Variants in UBR2 observed in about 807,000 individuals in gnomAD.
The protein encoded by UBR2 is E3 ubiquitin-protein ligase UBR2.
Under a neutral mutation model 247.9 loss-of-function variants are expected in UBR2, and 92 were observed. That is an observed-to-expected ratio of 0.37 (90% CI 0.31 to 0.44). UBR2 has a LOEUF of 0.44. Among genes scored for constraint, UBR2 ranks in the 20% least tolerant of loss-of-function variants. The pLI, the probability that UBR2 is intolerant of heterozygous loss-of-function variation, is 1.00. For missense variants in UBR2, 1,613 were observed against 2,112.6 expected, an observed-to-expected ratio of 0.76 and a Z score of 4.64; for synonymous variants, 672 against 693.5, an observed-to-expected ratio of 0.97 and a Z score of 0.49.
chr6:42,599,612 G>T lies in UBR2; in HGVS notation c.532-3976G>T, dbSNP rs532641377. On this transcript the variant is annotated intron_variant, in intron 4 of 46. Coordinates refer to ENST00000372901, the MANE Select transcript of UBR2 (RefSeq NM_001363705.2). ...GCATGGTTTGGGGTTTTGTTTGGGG[G>T]TTTTTTTTGTTGTTGTTGTTGTTAT... Among the ~76,000 whole-genome samples, 237 of 86,452 alleles carry T rather than the reference G, an allele frequency of 2.7e-3. 4 individuals are homozygous for T. The highest frequency in any genetic ancestry group is 5.6e-3 in the African/African-American group (102 of 18,360). 56.7% of individuals were successfully genotyped at this position (86,452 alleles called of 152,430 possible). A position where few individuals can be genotyped will look rare whatever the true frequency, so the allele number is the denominator to read the frequency against.
At chr6:42,614,964 T>G in intron 8 of UBR2, 107 bp from the exon 9 acceptor site, 1 of 882,306 alleles carries the variant, frequency 1.1e-6, no homozygotes, top group Non-Finnish European at 1.6e-6. Context: ...AATTTGAACT[T>G]TAAGAAAACA....
At chr6:42,606,953 A>G (rs1410711499) in intron 7 of UBR2, among the ~76,000 whole-genome samples, 1 of 152,072 alleles carries the variant, frequency 6.6e-6, no homozygotes, top group African/African-American at 2.4e-5. Flanking sequence ...CTTCTTAGAA[A>G]TTTAAATGGC....
chr6:42,682,211 A>G (rs548665544), intron 42 of UBR2, among the ~76,000 whole-genome samples: 1 of 152,168 alleles, frequency 6.6e-6, no homozygotes, highest in Non-Finnish European at 1.5e-5. Context: ...AGAGTAGTCA[A>G]ATTTATAGAA....
At chr6:42,581,897 G>C (rs1227926074) in intron 2 of UBR2, among the ~76,000 whole-genome samples, 1 of 151,968 alleles carries the variant, frequency 6.6e-6, no homozygotes, top group Admixed American at 6.6e-5. Context: ...TAAAATATTA[G>C]GCATTGTTAT....
At chr6:42,628,654 T>G (rs554999368) in intron 11 of UBR2, among the ~76,000 whole-genome samples, 2 of 143,574 alleles carry the variant, frequency 1.4e-5, no homozygotes, top group East Asian at 4.2e-4. Flanking sequence ...ACCTGTGAGG[T>G]GGAGGTTGCA....
At chr6:42,621,382 T>C (rs1794987578) in intron 11 of UBR2, among the ~76,000 whole-genome samples, 1 of 152,288 alleles carries the variant, frequency 6.6e-6, no homozygotes, top group African/African-American at 2.4e-5. Flanking sequence ...CTGCCTTAAT[T>C]ATAGTAGTTT....
rs377260395 is a variant in UBR2, at chr6:42,637,207, C to T, written c.1858+13C>T. On this transcript the variant is annotated intron_variant, in intron 15 of 46. Transcript: ENST00000372901. The stretch of plus-strand genomic sequence containing the variant: ...CGCTTACTTGCAGGTAAAGCATTTC[C>T]CCTAAAATAAAACCCTAAAATTATC... 1 of 1,600,874 alleles carries T rather than the reference C, an allele frequency of 6.2e-7. No homozygotes were observed. The highest frequency in any genetic ancestry group is 1.1e-5 in the South Asian group (1 of 89,388).
rs1223614332 is a variant in UBR2 at position 42,659,876 on chromosome 6, C to T, written c.3442+21C>T. 4 of 1,606,886 alleles carry T rather than the reference C, an allele frequency of 2.5e-6. No individual in the cohort carries two copies. Among genetic ancestry groups the T allele is most frequent in the South Asian group, 1.1e-5 (1 of 90,814 alleles). ...TCCAGGTAAGTCATAGCTAGATCCT[C>T]ATCTTCCCTTTTAATAACAACTGCC... On this transcript the variant is annotated intron_variant, in intron 30 of 46. Coordinates refer to ENST00000372901, the MANE Select transcript of UBR2 (RefSeq NM_001363705.2). This position sits in a 1 kb window ranked among gnomAD's most constrained non-coding sequence, Gnocchi z 4.3.
rs528794023 is a variant in UBR2 at position 42,631,433 on chromosome 6, T to C, written c.1282-1119T>C. ...ACATTGTAGGTAGAAAGAGAAATTG[T>C]TGAGCCTCTTTGTGGAAACAATTTG... On this transcript the variant is annotated intron_variant, in intron 11 of 46. Coordinates refer to ENST00000372901, the MANE Select transcript of UBR2 (RefSeq NM_001363705.2). Among the ~76,000 whole-genome samples, 4 of 152,332 alleles carry C rather than the reference T, an allele frequency of 2.6e-5. No homozygotes were observed. The South Asian group carries it at 8.3e-4, about 32-fold the overall frequency.
intron 2 of UBR2, among the ~76,000 whole-genome samples, chr6:42,576,565 C>T (rs1181111192): frequency 3.0e-4 from 44 of 146,304 alleles, no homozygotes; most frequent in African/African-American, 8.4e-4. Context: ...AGTCTCACCC[C>T]GTAGCCCAGG....
At chr6:42,620,408 A>T (rs1326234290) in intron 11 of UBR2, 3 of 151,634 alleles carry the variant, frequency 2.0e-5, no homozygotes, top group Admixed American at 2.0e-4. Context: ...GATTCTGCAT[A>T]CATATTCTTT....
chr6:42,678,004 G>A (rs1409632432), intron 40 of UBR2, among the ~76,000 whole-genome samples: 1 of 152,068 alleles, frequency 6.6e-6, no homozygotes, highest in East Asian at 1.9e-4. Context: ...AGTCCAGCCT[G>A]GACAACTTTT....
At chr6:42,611,896 G>A (rs1379136770) in intron 7 of UBR2, among the ~76,000 whole-genome samples, 2 of 141,740 alleles carry the variant, frequency 1.4e-5, no homozygotes, top group African/African-American at 5.3e-5. Context: ...GACAGAGCGA[G>A]ACTCCACCTC....
At chr6:42,635,300 C>T (rs1001308958) in intron 13 of UBR2, 118 bp from the exon 14 acceptor site, 1 of 1,055,056 alleles carries the variant, frequency 9.5e-7, no homozygotes, top group Non-Finnish European at 1.4e-6. Flanking sequence ...CCTGTTAAAA[C>T]TTATACCTTC....
chr6:42,631,936 A>G lies in UBR2; in HGVS notation c.1282-616A>G, dbSNP rs144983791. ...ATATATATAAAATACACATACATAT[A>G]CCATCTCTGCAAGAATATGCAAGGA... On this transcript the variant is annotated intron_variant, in intron 11 of 46. Transcript: ENST00000372901. Among the ~76,000 whole-genome samples, 94 of 144,006 alleles carry G rather than the reference A, an allele frequency of 6.5e-4. No homozygotes were observed. The East Asian group carries it at 0.016, about 25-fold the overall frequency. 94.5% of individuals were successfully genotyped at this position (144,006 alleles called of 152,430 possible).
chr6:42,669,977 C>G, intron 34 of UBR2, 115 bp from the exon 35 acceptor site: 2 of 1,246,864 alleles, frequency 1.6e-6, no homozygotes, highest in Non-Finnish European at 2.2e-6. Flanking sequence ...ACAATTATCT[C>G]TGGATATATG....
intron 2 of UBR2, among the ~76,000 whole-genome samples, chr6:42,576,699 T>G (rs1254348742): frequency 6.6e-6 from 1 of 152,048 alleles, no homozygotes; most frequent in African/African-American, 2.4e-5. Flanking sequence ...CTGTGTATTT[T>G]TAGTAGGGAT....
chr6:42,687,504 G>C (rs1799510798), intron 44 of UBR2, among the ~76,000 whole-genome samples: 1 of 151,960 alleles, frequency 6.6e-6, no homozygotes, highest in Non-Finnish European at 1.5e-5. Context: ...GAGAGGGAGA[G>C]GGAGAGCTGT....
intron 2 of UBR2, among the ~76,000 whole-genome samples, chr6:42,585,460 G>A (rs1792192937): frequency 6.6e-6 from 1 of 151,910 alleles, no homozygotes; most frequent in Non-Finnish European, 1.5e-5. Flanking sequence ...AAACGAATTG[G>A]GATATATTCC....
Sources: gnomAD v4.1 joint callset for allele counts (sites outside exome capture counted in the v4.1 genomes callset) on GRCh38, gnomAD v4.1.1 for gene constraint, Gnocchi (gnomAD v3.1) non-coding constraint, MANE v1.5 for transcripts, NCBI Gene and HGNC (gene_info 2026-07-23, HGNC 2026-07-21) for gene names.